Variants in ZFPM1 observed in about 807,000 individuals in gnomAD.
The protein encoded by ZFPM1 is zinc finger protein ZFPM1.
ZFPM1 carries 28 observed loss-of-function variants against 46.3 expected under a neutral mutation model. The observed-to-expected ratio is 0.60, with a 90% confidence interval of 0.45 to 0.83. ZFPM1 has a LOEUF of 0.83. ZFPM1 is among the 40% of genes least tolerant of loss of function. The pLI is 0.00. For missense variants in ZFPM1, 1,878 were observed against 1,432.4 expected, an observed-to-expected ratio of 1.31 and a Z score of -5.02; for synonymous variants, 957 against 675.9, an observed-to-expected ratio of 1.42 and a Z score of -6.45.
At chr16:88,501,454 C>G (rs1910307052) in intron 3 of ZFPM1, among the ~76,000 whole-genome samples, 1 of 137,972 alleles carries the variant, frequency 7.2e-6, no homozygotes, top group African/African-American at 2.8e-5. Context: ...CCCGCAGGTG[C>G]TGGTGATGAT....
In ZFPM1 at chr16:88,471,090, T is replaced by C. The variant is rs1908396731; in HGVS notation, c.41-14849T>C. Among the ~76,000 whole-genome samples the C allele has an allele frequency of 6.6e-6, 1 of 151,980 alleles. No homozygotes were observed. Among genetic ancestry groups the C allele is most frequent in the African/African-American group, 2.4e-5 (1 of 41,360 alleles). On this transcript the variant is annotated intron_variant, in intron 1 of 9. Transcript: ENST00000319555. The surrounding 1 kb of genome is among the most constrained non-coding windows in gnomAD (Gnocchi z 4.1). Reference sequence around the variant, plus strand: ...ATACTGGGCTGCCCAGAGGCTGCCTTCTGAAGGAGCGAGGGGGCCGGGAGG... The same window carrying C: ...ATACTGGGCTGCCCAGAGGCTGCCTCCTGAAGGAGCGAGGGGGCCGGGAGG...
chr16:88,476,260 C>T (rs1283153282), intron 1 of ZFPM1, among the ~76,000 whole-genome samples: 2 of 152,132 alleles, frequency 1.3e-5, no homozygotes, highest in Non-Finnish European at 2.9e-5. Context: ...TGGGGGAGCC[C>T]AGGATGACCT....
chr16:88,452,675 C>G (rs376316896), upstream of ZFPM1, among the ~76,000 whole-genome samples: 12 of 152,410 alleles, frequency 7.9e-5, no homozygotes, highest in East Asian at 2.1e-3. Context: ...TCACTGCCCC[C>G]ACCGCGCACG....
chr16:88,479,406 G>A (rs1246933023), intron 1 of ZFPM1, among the ~76,000 whole-genome samples: 1 of 152,094 alleles, frequency 6.6e-6, no homozygotes, highest in Non-Finnish European at 1.5e-5. Flanking sequence ...TGGAGGTCAT[G>A]CTGTAGACTC....
chr16:88,519,743 T>C (rs1484445238), intron 4 of ZFPM1, among the ~76,000 whole-genome samples: 8 of 111,366 alleles, frequency 7.2e-5, no homozygotes, highest in African/African-American at 2.9e-4. Flanking sequence ...GATAGGTGGA[T>C]GAATAGATGG....
chr16:88,466,594 G>A (rs1442357053), intron 1 of ZFPM1, among the ~76,000 whole-genome samples: 1 of 152,242 alleles, frequency 6.6e-6, no homozygotes, highest in African/African-American at 2.4e-5. Flanking sequence ...GGCAGTGGGA[G>A]GGGATGGGCG....
intron 4 of ZFPM1, among the ~76,000 whole-genome samples, chr16:88,518,520 T>A (rs1911514284): frequency 6.7e-6 from 1 of 148,690 alleles, no homozygotes; most frequent in Non-Finnish European, 1.5e-5. Flanking sequence ...GACAGCTGGG[T>A]GGATGGATAG....
chr16:88,460,846 C>T lies in ZFPM1; in HGVS notation c.40+7168C>T, dbSNP rs145089490. Among the ~76,000 whole-genome samples, 194 of 151,408 alleles carry T rather than the reference C, an allele frequency of 1.3e-3. 2 individuals are homozygous for T. The highest frequency in any genetic ancestry group is 2.8e-3 in the Admixed American group (42 of 15,184). On this transcript the variant is annotated intron_variant, in intron 1 of 9. Coordinates refer to ENST00000319555, the MANE Select transcript of ZFPM1 (RefSeq NM_153813.3). ...ATGGTGCTCCTACTCCCGTGGGCCTCGGCCTCCCAGCTGTTCATGGGGCCA... is the reference window on the plus strand; with the variant it reads ...ATGGTGCTCCTACTCCCGTGGGCCTTGGCCTCCCAGCTGTTCATGGGGCCA...
intron 8 of ZFPM1, 30 bp from the exon 9 acceptor site, chr16:88,532,759 G>C: frequency 6.2e-7 from 1 of 1,612,910 alleles, no homozygotes; most frequent in African/African-American, 1.3e-5. Flanking sequence ...TCCCCGCCCT[G>C]GGCCTTGACC....
chr16:88,462,904 G>T (rs1194981429), intron 1 of ZFPM1, among the ~76,000 whole-genome samples: 1 of 147,776 alleles, frequency 6.8e-6, no homozygotes, highest in Non-Finnish European at 1.5e-5. Flanking sequence ...CAACACGGGA[G>T]GTGCAGCCCG....
intron 3 of ZFPM1, among the ~76,000 whole-genome samples, chr16:88,493,624 GA>G (rs1909753690): frequency 1.9e-5 from 2 of 103,418 alleles, no homozygotes; most frequent in African/African-American, 2.9e-5. Context: ...GGGGTACAGA[GA>G]GCTGTCCCGG....
intron 3 of ZFPM1, among the ~76,000 whole-genome samples, chr16:88,507,530 C>G (rs1045636062): frequency 3.9e-5 from 6 of 152,342 alleles, no homozygotes; most frequent in African/African-American, 1.4e-4. Context: ...TGTCAGCCTT[C>G]TCCATGCCCT....
At chr16:88,507,613 G>A (rs1387260581) in intron 3 of ZFPM1, among the ~76,000 whole-genome samples, 1 of 152,202 alleles carries the variant, frequency 6.6e-6, no homozygotes, top group African/African-American at 2.4e-5. Flanking sequence ...GTTGGGTCTT[G>A]TGGATTCTAC....
intron 3 of ZFPM1, among the ~76,000 whole-genome samples, chr16:88,499,339 AG>A (rs1910118684): frequency 2.0e-5 from 3 of 152,226 alleles, no homozygotes; most frequent in South Asian, 2.1e-4. Context: ...TGTGATAGAC[AG>A]GGGGATGCAG....
Position 88,497,330 on chromosome 16 carries a change from A to G in ZFPM1, c.268+8177A>G, listed in dbSNP as rs1014417955. Reference sequence around the variant, plus strand: ...CACAGTAGAGTGGGGTCGGGTGTGCACAAGGAGCTGGCTCAGGGCCTGAGT... The same window carrying G: ...CACAGTAGAGTGGGGTCGGGTGTGCGCAAGGAGCTGGCTCAGGGCCTGAGT... On this transcript the variant is annotated intron_variant, in intron 3 of 9. Coordinates refer to ENST00000319555, the MANE Select transcript of ZFPM1 (RefSeq NM_153813.3). The surrounding 1 kb of genome is among the most constrained non-coding windows in gnomAD (Gnocchi z 5.4). 2.0e-5 allele frequency among the ~76,000 whole-genome samples: 3 copies of G among 151,962 alleles called. No individual in the cohort carries two copies. The highest frequency in any genetic ancestry group is 7.2e-5 in the African/African-American group (3 of 41,390).
At chr16:88,490,453 G>A (rs567225368) in intron 3 of ZFPM1, among the ~76,000 whole-genome samples, 23 of 152,362 alleles carry the variant, frequency 1.5e-4, no homozygotes, top group South Asian at 6.2e-4. Flanking sequence ...GCAGGGCCCC[G>A]TCTGTGGAGA....
At position 88,533,523 on chromosome 16, in the gene ZFPM1, G is replaced by T; in HGVS notation, c.1565G>T (p.Gly522Val). 7.0e-7 allele frequency: 1 copy of T among 1,433,762 alleles called. No homozygotes were observed. Among genetic ancestry groups the T allele is most frequent in the Non-Finnish European group, 9.1e-7 (1 of 1,097,928 alleles). 88.8% of individuals were successfully genotyped at this position (1,433,762 alleles called of 1,614,324 possible). A position where few individuals can be genotyped will look rare whatever the true frequency, so the allele number is the denominator to read the frequency against. ...GTGCCCGGCGAGCTGGGCCTGGCCG[G>T]GGCCCTGTTCCTTCCGCAGTACGTG... ...SPVPGELGLA[G>V]ALFLPQYVFG... Residue 522 changes from glycine (G) to valine (V), a missense_variant, in exon 10 of 10, where the codon GGG becomes GTG. Coordinates refer to ENST00000319555, the MANE Select transcript of ZFPM1 (RefSeq NM_153813.3).
intron 3 of ZFPM1, among the ~76,000 whole-genome samples, chr16:88,501,558 G>C (rs1201380906): frequency 1.1e-4 from 16 of 145,576 alleles, no homozygotes; most frequent in Non-Finnish European, 2.1e-4. Flanking sequence ...CGCAGGTGCT[G>C]GTGATGATGG....
intron 4 of ZFPM1, chr16:88,516,100 C>T: frequency 2.5e-6 from 1 of 398,578 alleles, no homozygotes. Flanking sequence ...GGTCCTGCCA[C>T]TCCATTTTAC....
Sources: allele counts gnomAD v4.1 joint callset (sites outside exome capture counted in the v4.1 genomes callset), GRCh38; gene constraint gnomAD v4.1.1; non-coding constraint Gnocchi (gnomAD v3.1); transcripts MANE v1.5; gene names NCBI Gene and HGNC (gene_info 2026-07-23, HGNC 2026-07-21).